DLGAP1: variants seen among roughly 807,000 people sequenced by gnomAD.
The protein encoded by DLGAP1 is DLG associated protein 1.
In DLGAP1, 11 loss-of-function variants were observed where a neutral mutation model predicts 90.8. The observed-to-expected ratio is 0.12, with a 90% CI of 0.08 to 0.20. The LOEUF is 0.20. DLGAP1 is among the 10% of genes least tolerant of loss of function. DLGAP1 has a pLI of 1.00. For synonymous variants in DLGAP1, 558 were observed against 540.7 expected (o/e 1.03, Z -0.44); for missense variants, 1,050 against 1,333.8 (o/e 0.79, Z 3.31).
At chr18:3,666,454 C>T (rs1231366703) in intron 7 of DLGAP1, among the ~76,000 whole-genome samples, 1 of 152,172 alleles carries the variant, frequency 6.6e-6, no homozygotes, top group Non-Finnish European at 1.5e-5. Flanking sequence ...CTGCATTGCC[C>T]CCTGGCGTTT....
At chr18:4,335,298 T>C (rs1254734803) in intron 1 of DLGAP1, among the ~76,000 whole-genome samples, 1 of 151,894 alleles carries the variant, frequency 6.6e-6, no homozygotes, top group Non-Finnish European at 1.5e-5. Context: ...TAGCCAATCA[T>C]AAAGCTGTTT....
At chr18:3,853,248 A>C (rs1276465306) in intron 4 of DLGAP1, among the ~76,000 whole-genome samples, 1 of 152,092 alleles carries the variant, frequency 6.6e-6, no homozygotes, top group African/African-American at 2.4e-5. Context: ...GAACACTTAC[A>C]TTTTCAAGGT....
chr18:4,034,097 A>G (rs1023800699), intron 2 of DLGAP1, among the ~76,000 whole-genome samples: 14 of 128,584 alleles, frequency 1.1e-4, no homozygotes, highest in Non-Finnish European at 1.7e-4. Flanking sequence ...GCTGGAGTGC[A>G]GTGGCGTGAT....
chr18:3,546,976 TAAAAA>T (rs55943266), intron 9 of DLGAP1, among the ~76,000 whole-genome samples: 1 of 149,812 alleles, frequency 6.7e-6, no homozygotes, highest in Admixed American at 6.6e-5. Context: ...AGCAGACAGA[TAAAAA>T]AAAAAAAAAG....
chr18:4,182,261 C>T (rs931397629), intron 1 of DLGAP1, among the ~76,000 whole-genome samples: 2 of 152,078 alleles, frequency 1.3e-5, no homozygotes, highest in African/African-American at 4.8e-5. Context: ...AGGCTCTTTG[C>T]CCTCTCTCTA....
At chr18:4,018,653 T>C (rs1022682345) in intron 2 of DLGAP1, among the ~76,000 whole-genome samples, 1 of 152,246 alleles carries the variant, frequency 6.6e-6, no homozygotes, top group African/African-American at 2.4e-5. Flanking sequence ...GTTATTAGGA[T>C]GGAAGAATGA....
chr18:3,637,823 A>G (rs1247186527), intron 7 of DLGAP1, among the ~76,000 whole-genome samples: 2 of 151,888 alleles, frequency 1.3e-5, no homozygotes, highest in African/African-American at 4.8e-5. Context: ...AACTTATCCA[A>G]TTCCAAATAT....
intron 3 of DLGAP1, among the ~76,000 whole-genome samples, chr18:3,996,814 A>G (rs1026728248): frequency 6.6e-6 from 1 of 152,098 alleles, no homozygotes; most frequent in Non-Finnish European, 1.5e-5. Context: ...ACCACTGGTG[A>G]TAAATTACTT....
At position 3,612,496 on chromosome 18, in the gene DLGAP1, C is replaced by A. The variant is rs529707844; in HGVS notation, c.1592-30248G>T. On this transcript the variant is annotated intron_variant, in intron 7 of 12. Coordinates refer to ENST00000315677, the MANE Select transcript of DLGAP1 (RefSeq NM_004746.4). ...AAGGTCTGAGAACATCTGAAGCTAA[C>A]TTCTACACCAACGTGGTCAGATGAT... Among the ~76,000 whole-genome samples the A allele has an allele frequency of 1.8e-3, 271 of 152,322 alleles. 1 individual carries two copies. The highest frequency in any genetic ancestry group is 0.014 in the Middle Eastern group (4 of 294).
At chr18:3,575,618 A>G (rs2055076238) in intron 8 of DLGAP1, among the ~76,000 whole-genome samples, 1 of 152,220 alleles carries the variant, frequency 6.6e-6, no homozygotes, top group African/African-American at 2.4e-5. Context: ...ATTTTGCTCT[A>G]TACACTCCTG....
At chr18:4,362,691 C>A (rs980423688) in intron 1 of DLGAP1, among the ~76,000 whole-genome samples, 1 of 152,022 alleles carries the variant, frequency 6.6e-6, no homozygotes, top group African/African-American at 2.4e-5. Context: ...ATGTACTCAA[C>A]ACCATTGAAC....
chr18:4,340,833 T>C (rs752558474), intron 1 of DLGAP1, among the ~76,000 whole-genome samples: 1 of 152,132 alleles, frequency 6.6e-6, no homozygotes, highest in Non-Finnish European at 1.5e-5. Flanking sequence ...ATGATGAATG[T>C]TCACTTTCAG....
intron 1 of DLGAP1, among the ~76,000 whole-genome samples, chr18:4,304,078 C>G (rs1438351532): frequency 1.3e-5 from 2 of 152,192 alleles, no homozygotes; most frequent in East Asian, 3.8e-4. Flanking sequence ...AGTTGTTGAT[C>G]TTGGCATGTA....
chr18:4,308,374 TGC>T (rs2080315952), intron 1 of DLGAP1, among the ~76,000 whole-genome samples: 1 of 152,162 alleles, frequency 6.6e-6, no homozygotes, highest in African/African-American at 2.4e-5. Flanking sequence ...ATGATAAATA[TGC>T]TAGAATCATG....
At chr18:4,252,211 T>G (rs796177367) in intron 1 of DLGAP1, among the ~76,000 whole-genome samples, 5 of 152,350 alleles carry the variant, frequency 3.3e-5, no homozygotes, top group African/African-American at 1.2e-4. Flanking sequence ...TTTATTCTAC[T>G]GTGACTAGGA....
chr18:4,110,712 G>C (rs1370022206), intron 2 of DLGAP1, among the ~76,000 whole-genome samples: 2 of 152,054 alleles, frequency 1.3e-5, no homozygotes, highest in East Asian at 1.9e-4. Flanking sequence ...CAGGATTCTG[G>C]GAACAAAAGA....
chr18:3,549,307 A>G (rs375686669), intron 9 of DLGAP1, among the ~76,000 whole-genome samples: 25 of 151,038 alleles, frequency 1.7e-4, no homozygotes, highest in African/African-American at 5.9e-4. Context: ...CACCTTTCCA[A>G]CACTCCTATT....
At chr18:4,053,203 T>C (rs1440711723) in intron 2 of DLGAP1, among the ~76,000 whole-genome samples, 1 of 152,206 alleles carries the variant, frequency 6.6e-6, no homozygotes, top group Non-Finnish European at 1.5e-5. Flanking sequence ...TTAATTTATA[T>C]TGGAAAAAGG....
intron 1 of DLGAP1, among the ~76,000 whole-genome samples, chr18:4,393,845 T>G (rs7244077): frequency 0.21 from 32,041 of 152,078 alleles, 5,610 homozygotes; most frequent in African/African-American, 0.48. Flanking sequence ...TAAGAAGCGT[T>G]CAACCTAGAT....
Sources: allele counts gnomAD v4.1 joint callset (sites outside exome capture counted in the v4.1 genomes callset), GRCh38; gene constraint gnomAD v4.1.1; transcripts MANE v1.5; gene names NCBI Gene and HGNC (gene_info 2026-07-23, HGNC 2026-07-21).